Variants in GPD1L observed in about 807,000 individuals in gnomAD.
GPD1L encodes the protein glycerol-3-phosphate dehydrogenase 1 like, also known as glycerol-3-phosphate dehydrogenase 1-like protein.
In GPD1L, 17 loss-of-function variants were observed where a neutral mutation model predicts 32.9. The ratio of observed to expected loss-of-function variants is 0.52; its 90% CI spans 0.35 to 0.78. The LOEUF (loss-of-function observed/expected upper bound fraction) is 0.78. Ranked by LOEUF, GPD1L falls within the 30% of genes least tolerant of loss-of-function variation. The pLI is 0.01. For missense variants in GPD1L, 361 were observed against 447.8 expected, an observed-to-expected ratio of 0.81 and a Z score of 1.75; for synonymous variants, 187 against 165.9, an observed-to-expected ratio of 1.13 and a Z score of -0.98.
chr3:32,124,818 C>T (rs1346766703), intron 1 of GPD1L, among the ~76,000 whole-genome samples: 3 of 151,968 alleles, frequency 2.0e-5, no homozygotes, highest in Admixed American at 6.6e-5. Context: ...TCCAGCTACT[C>T]GAGGGGCCAG....
intron 6 of GPD1L, 91 bp from the exon 7 acceptor site, chr3:32,159,477 A>G (rs1351001423): frequency 1.1e-4 from 94 of 886,466 alleles, no homozygotes; most frequent in Middle Eastern, 3.4e-4. Flanking sequence ...AAAAAAAAAA[A>G]AAAGAAAAAA....
At chr3:32,157,251 C>CTT (rs551469067) in intron 5 of GPD1L, among the ~76,000 whole-genome samples, 107 of 146,420 alleles carry the variant, frequency 7.3e-4, no homozygotes, top group African/African-American at 2.3e-3. Context: ...TCCCCTCTGC[C>CTT]TTTTTTTTTT....
At chr3:32,109,129 A>G (rs957786792) in intron 1 of GPD1L, among the ~76,000 whole-genome samples, 5 of 152,168 alleles carry the variant, frequency 3.3e-5, no homozygotes, top group Non-Finnish European at 7.3e-5. Flanking sequence ...GATTACAGGC[A>G]TGAACCACCG....
At chr3:32,133,821 CA>C (rs1700620690) in intron 2 of GPD1L, among the ~76,000 whole-genome samples, 1 of 152,226 alleles carries the variant, frequency 6.6e-6, no homozygotes, top group Admixed American at 6.5e-5. Flanking sequence ...ACACTGTGGA[CA>C]GTGATGGTGG....
chr3:32,106,782 CG>C lies in GPD1L; in HGVS notation c.47+28del. Reference sequence around the variant, plus strand: ...TGGTGAGCGGCGGCGGGCTGGAGGCCGGGGCTCCGCTTCCAGGAAGCGCCTC... The same window carrying C: ...TGGTGAGCGGCGGCGGGCTGGAGGCCGGGCTCCGCTTCCAGGAAGCGCCTC... On this transcript the variant is annotated intron_variant, in intron 1 of 7. Transcript: ENST00000282541. The surrounding 1 kb of genome is among the most constrained non-coding windows in gnomAD (Gnocchi z 4.0). 2 of 1,550,840 alleles carry C rather than the reference CG, an allele frequency of 1.3e-6. No individual in the cohort carries two copies. Among genetic ancestry groups the C allele is most frequent in the Non-Finnish European group, 1.7e-6 (2 of 1,149,072 alleles).
intron 2 of GPD1L, among the ~76,000 whole-genome samples, chr3:32,131,499 T>TA (rs1221053438): frequency 6.6e-6 from 1 of 152,242 alleles, no homozygotes; most frequent in East Asian, 1.9e-4. Flanking sequence ...AATTGCGTCT[T>TA]ACAATATGCG....
intron 1 of GPD1L, among the ~76,000 whole-genome samples, chr3:32,115,165 G>C (rs1314894792): frequency 1.3e-5 from 2 of 152,128 alleles, no homozygotes; most frequent in Admixed American, 1.3e-4. Flanking sequence ...ATTTTACAGA[G>C]TGCTGATTGA....
chr3:32,138,768 T>A, intron 3 of GPD1L, 41 bp downstream of exon 3: 2 of 1,599,260 alleles, frequency 1.3e-6, no homozygotes, highest in Non-Finnish European at 1.7e-6. Flanking sequence ...ACATTGGTTA[T>A]CAGGAAATTT....
At chr3:32,124,769 T>G in intron 1 of GPD1L, among the ~76,000 whole-genome samples, 1 of 151,992 alleles carries the variant, frequency 6.6e-6, no homozygotes, top group Admixed American at 6.5e-5. Flanking sequence ...CTACAAAAAC[T>G]TTTTAAAAAA....
chr3:32,143,226 A>G (rs940623373), intron 4 of GPD1L, among the ~76,000 whole-genome samples: 9 of 152,128 alleles, frequency 5.9e-5, no homozygotes, highest in Admixed American at 5.2e-4. Context: ...TAAAACATTG[A>G]AAGTAAGATA....
At chr3:32,159,459 A>G in intron 6 of GPD1L, 109 bp from the exon 7 acceptor site, 1 of 762,112 alleles carries the variant, frequency 1.3e-6, no homozygotes, top group Non-Finnish European at 2.1e-6. Flanking sequence ...AGCAAGACCC[A>G]TTCTCTAAAA....
At chr3:32,146,185 C>T (rs1700821601) in intron 4 of GPD1L, among the ~76,000 whole-genome samples, 1 of 150,150 alleles carries the variant, frequency 6.7e-6, no homozygotes, top group Non-Finnish European at 1.5e-5. Context: ...CTCCTGGGTT[C>T]AAGCGATGCT....
At chr3:32,139,999 A>G (rs928683988) in intron 3 of GPD1L, among the ~76,000 whole-genome samples, 4 of 152,220 alleles carry the variant, frequency 2.6e-5, no homozygotes, top group East Asian at 1.9e-4. Context: ...GAGGAGACAC[A>G]CAGGGGACTT....
chr3:32,140,248 G>C lies in GPD1L; in HGVS notation c.387G>C (p.Glu129Asp), dbSNP rs1220054300. Residue 129 changes from glutamate (E) to aspartate (D), a missense_variant, in exon 4 of 8, where the codon GAG becomes GAC. Coordinates refer to ENST00000282541, the MANE Select transcript of GPD1L (RefSeq NM_015141.4). ...TLIKGIDEGP[E>D]GLKLISDIIR... ...TGTAGGGCATAGACGAGGGCCCCGA[G>C]GGGCTGAAGCTCATTTCTGACATCA... The C allele has an allele frequency of 6.2e-7, 1 of 1,614,050 alleles. No homozygotes were observed. The highest frequency in any genetic ancestry group is 1.7e-5 in the Admixed American group (1 of 60,004).
intron 1 of GPD1L, among the ~76,000 whole-genome samples, chr3:32,115,502 C>T (rs1279004106): frequency 6.6e-6 from 1 of 152,162 alleles, no homozygotes; most frequent in Non-Finnish European, 1.5e-5. Context: ...AAACTATATC[C>T]TCATCATTTG....
intron 1 of GPD1L, among the ~76,000 whole-genome samples, chr3:32,108,381 C>CCTA (rs1700194592): frequency 6.6e-6 from 1 of 152,168 alleles, no homozygotes; most frequent in South Asian, 2.1e-4. Context: ...GTGGCAGGCG[C>CCTA]CTGTAGTCCC....
intron 4 of GPD1L, among the ~76,000 whole-genome samples, chr3:32,142,400 AGCCACCGC>A (rs1700758197): frequency 6.6e-6 from 1 of 152,162 alleles, no homozygotes; most frequent in African/African-American, 2.4e-5. Flanking sequence ...TACAGATGTG[AGCCACCGC>A]GCCCGGCTGA....
chr3:32,115,758 C>CTTTTTTTTTTTTTTTTTTTTTTTT lies in GPD1L; in HGVS notation c.47+9025_47+9048dup, dbSNP rs539068850. 1.6e-4 allele frequency among the ~76,000 whole-genome samples: 7 copies of CTTTTTTTTTTTTTTTTTTTTTTTT among 45,086 alleles called. 3 individuals carry two copies. The highest frequency in any genetic ancestry group is 3.4e-4 in the Non-Finnish European group (7 of 20,538). 29.6% of individuals were successfully genotyped at this position (45,086 alleles called of 152,430 possible). On this transcript the variant is annotated intron_variant, in intron 1 of 7. Coordinates refer to ENST00000282541, the MANE Select transcript of GPD1L (RefSeq NM_015141.4). ...CTAAACCCTTTTCGTGTACGTTGAA[C>CTTTTTTTTTTTTTTTTTTTTTTTT]TTTTTTTTTTTTTTTTTTTTTTTTT... is the stretch of plus-strand genomic sequence containing the variant.
In GPD1L at chr3:32,106,706, C is replaced by T; in HGVS notation, c.-6C>T. On this transcript the variant is annotated 5_prime_UTR_variant, in exon 1 of 8. Transcript: ENST00000282541. This position sits in a 1 kb window ranked among gnomAD's most constrained non-coding sequence, Gnocchi z 4.0. ...CACGGTCCAGGCGGCTACATTCGGC[C>T]CGGCCATGGCAGCGGCGCCCCTGAA... The T allele has an allele frequency of 6.4e-7, 1 of 1,559,234 alleles. No individual in the cohort carries two copies. The highest frequency in any genetic ancestry group is 8.7e-7 in the Non-Finnish European group (1 of 1,154,030).
Sources: allele counts gnomAD v4.1 joint callset (sites outside exome capture counted in the v4.1 genomes callset), GRCh38; gene constraint gnomAD v4.1.1; non-coding constraint Gnocchi (gnomAD v3.1); transcripts MANE v1.5; gene names NCBI Gene and HGNC (gene_info 2026-07-23, HGNC 2026-07-21).